The following MCUB variants were observed in gnomAD, a reference collection of about 807,000 sequenced individuals.
The protein encoded by MCUB is calcium uniporter regulatory subunit MCUb, mitochondrial.
A neutral mutation model predicts 41.4 loss-of-function variants in MCUB; 46 were observed. That is an observed-to-expected ratio of 1.11 (90% CI 0.88 to 1.42). The LOEUF (loss-of-function observed/expected upper bound fraction) is 1.42, where lower values mean the gene tolerates loss of function less well. MCUB is among the 40% of genes most tolerant of loss of function. MCUB has a pLI of 0.00. For synonymous variants in MCUB, 148 were observed against 148.2 expected (o/e 1.00, Z 0.01); for missense variants, 403 against 404.9 (o/e 1.00, Z 0.04).
intron 1 of MCUB, among the ~76,000 whole-genome samples, chr4:109,572,752 A>G (rs1184122980): frequency 2.0e-5 from 3 of 152,100 alleles, no homozygotes; most frequent in African/African-American, 7.2e-5. Context: ...ATCAGTTTCA[A>G]ATGCATAACT....
intron 1 of MCUB, among the ~76,000 whole-genome samples, chr4:109,610,222 A>G (rs1204043056): frequency 6.6e-6 from 1 of 152,228 alleles, no homozygotes; most frequent in East Asian, 1.9e-4. Flanking sequence ...TCTAAGAGCC[A>G]GTGCCTGGAA....
intron 1 of MCUB, among the ~76,000 whole-genome samples, chr4:109,589,777 G>A (rs1202773606): frequency 6.6e-6 from 1 of 152,142 alleles, no homozygotes; most frequent in African/African-American, 2.4e-5. Context: ...ATCCTCAGGG[G>A]GTGGCAGGTT....
chr4:109,654,891 T>C (rs2126143319), intron 1 of MCUB, among the ~76,000 whole-genome samples: 1 of 152,328 alleles, frequency 6.6e-6, no homozygotes, highest in East Asian at 1.9e-4. Flanking sequence ...AAACACCATC[T>C]GGGTGCCCTA....
At chr4:109,584,319 G>A (rs533799334) in intron 1 of MCUB, among the ~76,000 whole-genome samples, 94 of 152,010 alleles carry the variant, frequency 6.2e-4, no homozygotes, top group African/African-American at 2.0e-3. Context: ...TTTTTATTGC[G>A]TCTACTTGAT....
intron 1 of MCUB, among the ~76,000 whole-genome samples, chr4:109,641,231 T>C (rs1259534058): frequency 1.3e-5 from 2 of 151,372 alleles, no homozygotes; most frequent in East Asian, 3.9e-4. Flanking sequence ...TAGCTGGGAC[T>C]ATGGGCGCCC....
chr4:109,650,315 G>GA (rs1728933757), intron 1 of MCUB, among the ~76,000 whole-genome samples: 1 of 152,136 alleles, frequency 6.6e-6, no homozygotes, highest in Admixed American at 6.5e-5. Flanking sequence ...ACTTGTACAG[G>GA]AGTGTCTTTG....
intron 3 of MCUB, among the ~76,000 whole-genome samples, chr4:109,660,615 G>A (rs1453010281): frequency 1.3e-5 from 2 of 151,980 alleles, no homozygotes; most frequent in Non-Finnish European, 2.9e-5. Flanking sequence ...TCAGGAGTTC[G>A]AGACCAGCCC....
At position 109,681,692 on chromosome 4, in the gene MCUB, C is replaced by G. The variant is rs571278324; in HGVS notation, c.452-890C>G. On this transcript the variant is annotated intron_variant, in intron 4 of 7. Coordinates refer to ENST00000394650, the MANE Select transcript of MCUB (RefSeq NM_017918.5). ...TAGCCGTGCAGGAACAAATGGCAAG[C>G]CTTTAGCCCGATCTGGAGCGGCAAA... 6.6e-5 allele frequency among the ~76,000 whole-genome samples: 10 copies of G among 152,308 alleles called. 1 individual carries two copies. The South Asian group carries it at 1.7e-3, about 25-fold the overall frequency.
chr4:109,621,268 A>G (rs753679945), intron 1 of MCUB, among the ~76,000 whole-genome samples: 8 of 152,164 alleles, frequency 5.3e-5, no homozygotes, highest in South Asian at 4.1e-4. Context: ...TTGTTTTTCA[A>G]TGGCTACTAA....
intron 1 of MCUB, among the ~76,000 whole-genome samples, chr4:109,568,526 A>AC (rs1347626087): frequency 6.6e-6 from 1 of 151,122 alleles, no homozygotes; most frequent in African/African-American, 2.4e-5. Context: ...CTCTCCCTTT[A>AC]CCCCGCTTCT....
chr4:109,655,530 C>T (rs541717006), intron 1 of MCUB, among the ~76,000 whole-genome samples: 271 of 152,210 alleles, frequency 1.8e-3, no homozygotes, highest in African/African-American at 5.9e-3. Context: ...CTTGTTAAAA[C>T]CACAGAAACT....
intron 7 of MCUB, 98 bp downstream of exon 7, chr4:109,685,465 G>A (rs777026021): frequency 3.6e-5 from 21 of 585,842 alleles, no homozygotes; most frequent in Non-Finnish European, 5.3e-5. Context: ...ATTAAATCTT[G>A]GTCCTAGATT....
intron 4 of MCUB, among the ~76,000 whole-genome samples, chr4:109,670,816 T>C (rs942453101): frequency 6.6e-6 from 1 of 152,072 alleles, no homozygotes; most frequent in Non-Finnish European, 1.5e-5. Context: ...AGGAGATTTT[T>C]CTTCAGTTTT....
chr4:109,575,194 C>T (rs1245480499), intron 1 of MCUB, among the ~76,000 whole-genome samples: 2 of 152,128 alleles, frequency 1.3e-5, no homozygotes, highest in Non-Finnish European at 2.9e-5. Context: ...AACTCAGATG[C>T]CTTGCTAAAA....
intron 3 of MCUB, among the ~76,000 whole-genome samples, chr4:109,662,125 A>T (rs1729244256): frequency 6.6e-6 from 1 of 152,184 alleles, no homozygotes; most frequent in Non-Finnish European, 1.5e-5. Flanking sequence ...GGAAAGGCTT[A>T]TTGTAGGTTG....
At chr4:109,685,150 CCTT>C (rs1233077469) in intron 6 of MCUB, 98 bp from the exon 7 acceptor site, 2 of 629,316 alleles carry the variant, frequency 3.2e-6, no homozygotes, top group Non-Finnish European at 5.7e-6. Flanking sequence ...CATTCATCTG[CCTT>C]CTTTTGCTTT....
At chr4:109,565,324 T>C (rs1561210133) in intron 1 of MCUB, among the ~76,000 whole-genome samples, 1 of 152,242 alleles carries the variant, frequency 6.6e-6, no homozygotes, top group Non-Finnish European at 1.5e-5. Flanking sequence ...CTTCACTGTC[T>C]GTATAATATA....
chr4:109,612,858 G>C (rs1215523078), intron 1 of MCUB, among the ~76,000 whole-genome samples: 2 of 152,174 alleles, frequency 1.3e-5, no homozygotes, highest in Non-Finnish European at 2.9e-5. Context: ...TGTAATCCCA[G>C]CACTTTGGGA....
At chr4:109,616,262 T>G (rs1273532841) in intron 1 of MCUB, among the ~76,000 whole-genome samples, 1 of 144,902 alleles carries the variant, frequency 6.9e-6, no homozygotes, top group Non-Finnish European at 1.5e-5. Context: ...TACCTCCTGC[T>G]GGAGAATTCT....
Sources: allele counts gnomAD v4.1 joint callset (sites outside exome capture counted in the v4.1 genomes callset), GRCh38; gene constraint gnomAD v4.1.1; transcripts MANE v1.5; gene names NCBI Gene and HGNC (gene_info 2026-07-23, HGNC 2026-07-21).